The following SREBF2 variants were observed in gnomAD, a reference collection of about 807,000 sequenced individuals.
SREBF2 encodes sterol regulatory element-binding protein 2.
SREBF2 carries 55 observed loss-of-function variants against 113.1 expected under a neutral mutation model. The ratio of observed to expected loss-of-function variants is 0.49; its 90% CI spans 0.39 to 0.61. The LOEUF (loss-of-function observed/expected upper bound fraction) is 0.61. SREBF2 is among the 20% of genes least tolerant of loss of function. SREBF2 has a pLI of 0.00. For missense variants in SREBF2, 1,349 were observed against 1,487.4 expected (o/e 0.91, Z 1.53); for synonymous variants, 593 against 605.7 (o/e 0.98, Z 0.31).
At chr22:41,898,163 T>G (rs2077432270) in intron 14 of SREBF2, among the ~76,000 whole-genome samples, 1 of 152,112 alleles carries the variant, frequency 6.6e-6, no homozygotes, top group African/African-American at 2.4e-5. Context: ...CAGGCTGGAG[T>G]GCAATGGCAC....
intron 4 of SREBF2, among the ~76,000 whole-genome samples, chr22:41,871,288 T>C (rs1029712339): frequency 1.3e-5 from 2 of 152,192 alleles, no homozygotes; most frequent in Non-Finnish European, 2.9e-5. Context: ...TATTCTTGGC[T>C]AATAGCTCCA....
intron 1 of SREBF2, among the ~76,000 whole-genome samples, chr22:41,866,270 G>C (rs1213149652): frequency 6.6e-6 from 1 of 152,136 alleles, no homozygotes; most frequent in Non-Finnish European, 1.5e-5. Context: ...AAAGAGAGAG[G>C]CTGGGTGCGG....
At chr22:41,842,867 G>A (rs892262003) in intron 1 of SREBF2, among the ~76,000 whole-genome samples, 6 of 152,144 alleles carry the variant, frequency 3.9e-5, no homozygotes, top group African/African-American at 1.4e-4. Context: ...GCATGAGCCT[G>A]TAATCCCAGC....
intron 1 of SREBF2, among the ~76,000 whole-genome samples, 155 bp from the exon 2 acceptor site, chr22:41,866,676 A>G (rs1270441412): frequency 6.6e-6 from 1 of 152,242 alleles, no homozygotes; most frequent in Non-Finnish European, 1.5e-5. Flanking sequence ...ATCTTGGCCC[A>G]GATGATCCCC....
rs114541923 is a variant in SREBF2 at position 41,899,365 on chromosome 22, C to T, written c.2738+584C>T. ...TTCATGTCTGCGTCTTGGGGGCATT[C>T]GGCACTAGTGATGGGCAGCCCTGCC... On this transcript the variant is annotated intron_variant, in intron 15 of 18. Transcript: ENST00000361204. 3.0e-4 allele frequency: 308 copies of T among 1,010,382 alleles called. No homozygotes were observed. The African/African-American group carries it at 4.7e-3, about 16-fold the overall frequency. 62.6% of individuals were successfully genotyped at this position (1,010,382 alleles called of 1,614,324 possible).
intron 1 of SREBF2, among the ~76,000 whole-genome samples, chr22:41,853,376 C>T (rs1232987753): frequency 6.6e-6 from 1 of 152,198 alleles, no homozygotes; most frequent in Non-Finnish European, 1.5e-5. Flanking sequence ...TACTTTGCAT[C>T]CTGATCAGCC....
chr22:41,843,564 T>C (rs1345286792), intron 1 of SREBF2, among the ~76,000 whole-genome samples: 1 of 152,254 alleles, frequency 6.6e-6, no homozygotes, highest in Non-Finnish European at 1.5e-5. Flanking sequence ...AACAGTGGCC[T>C]AAATCCAACA....
intron 1 of SREBF2, among the ~76,000 whole-genome samples, chr22:41,864,284 AAAATAT>A (rs2077053881): frequency 1.6e-5 from 2 of 123,366 alleles, no homozygotes; most frequent in African/African-American, 3.2e-5. Flanking sequence ...ACACACACAC[AAAATAT>A]CAAAATATAT....
intron 17 of SREBF2, 53 bp from the exon 18 acceptor site, chr22:41,904,810 A>G: frequency 7.1e-7 from 1 of 1,410,368 alleles, no homozygotes; most frequent in African/African-American, 1.4e-5. Context: ...TACCCTGGGC[A>G]TAGATGGGTG....
At chr22:41,843,344 G>C (rs1009544) in intron 1 of SREBF2, among the ~76,000 whole-genome samples, 18,993 of 152,286 alleles carry the variant, frequency 0.12, 1,269 homozygotes, top group East Asian at 0.18. Context: ...ATGTAGGCCT[G>C]TTTTGTACTG....
At position 41,877,086 on chromosome 22, in the gene SREBF2, T is replaced by G. The variant is rs1358008643; in HGVS notation, c.1387-143T>G. The G allele has an allele frequency of 5.0e-6, 4 of 799,114 alleles. No individual in the cohort carries two copies. In the Admixed American group the frequency reaches 8.5e-5, roughly 17 times the overall value. 49.5% of individuals were successfully genotyped at this position (799,114 alleles called of 1,614,324 possible). ...CAGCAGTTAGTGAATTATAGGCTTCTCAGTTCCCATCTGGCCTTAGTCCTG... is the reference window on the plus strand; with the variant it reads ...CAGCAGTTAGTGAATTATAGGCTTCGCAGTTCCCATCTGGCCTTAGTCCTG... On this transcript the variant is annotated intron_variant, in intron 7 of 18. Transcript: ENST00000361204.
intron 18 of SREBF2, among the ~76,000 whole-genome samples, chr22:41,905,202 C>T (rs1364767667): frequency 6.6e-6 from 1 of 152,214 alleles, no homozygotes; most frequent in Non-Finnish European, 1.5e-5. Context: ...CGTCCCAGCA[C>T]AGGTGCAGGC....
rs193233908 is a variant in SREBF2 at position 41,869,529 on chromosome 22, G to C, written c.720+737G>C. Among the ~76,000 whole-genome samples the C allele has an allele frequency of 4.7e-3, 708 of 150,862 alleles. 7 individuals are homozygous for C. Among genetic ancestry groups the C allele is most frequent in the African/African-American group, 0.015 (621 of 40,834 alleles). On this transcript the variant is annotated intron_variant, in intron 3 of 18. Transcript: ENST00000361204. The stretch of plus-strand genomic sequence containing the variant: ...AGACAGTTTTGCTCTTGTTGCCCAG[G>C]TTGGAGTGCAGTGGCGTGATCTTGG...
intron 1 of SREBF2, among the ~76,000 whole-genome samples, chr22:41,866,464 C>T (rs1371210439): frequency 6.6e-6 from 1 of 152,166 alleles, no homozygotes; most frequent in Non-Finnish European, 1.5e-5. Context: ...GCGGGAGAAT[C>T]GCTTGAACCC....
intron 1 of SREBF2, among the ~76,000 whole-genome samples, chr22:41,855,631 C>T (rs987119476): frequency 2.6e-5 from 4 of 152,290 alleles, no homozygotes; most frequent in African/African-American, 9.6e-5. Context: ...TTTCTGCAGG[C>T]TAACATCTAA....
At chr22:41,889,317 G>C (rs2077332880) in intron 11 of SREBF2, among the ~76,000 whole-genome samples, 1 of 151,998 alleles carries the variant, frequency 6.6e-6, no homozygotes, top group Admixed American at 6.6e-5. Flanking sequence ...TGTAAAGTCA[G>C]GGTTTTGCTA....
rs757592583 is a variant in SREBF2 at position 41,868,729 on chromosome 22, G to C, written c.657G>C (p.Thr219=). The C allele has an allele frequency of 3.1e-6, 5 of 1,614,080 alleles. No homozygotes were observed. Among genetic ancestry groups the C allele is most frequent in the Non-Finnish European group, 4.2e-6 (5 of 1,180,040 alleles). ...QRVLTQTANG[T]LQTLAPATVQ... The stretch of plus-strand genomic sequence containing the variant: ...TGCTGACACAAACGGCCAATGGCAC[G>C]CTGCAGACCCTTGCCCCGGCTACGG... Residue 219 remains threonine (T), a synonymous_variant, in exon 3 of 19, where the codon ACG becomes ACC. Transcript: ENST00000361204.
At position 41,905,781 on chromosome 22, in the gene SREBF2, C is replaced by T. The variant is rs1319346365; in HGVS notation, c.*121C>T. 5.2e-6 allele frequency: 6 copies of T among 1,162,766 alleles called. No individual in the cohort carries two copies. The highest frequency in any genetic ancestry group is 5.0e-6 in the Non-Finnish European group (4 of 794,938). 72.0% of individuals were successfully genotyped at this position (1,162,766 alleles called of 1,614,324 possible). On this transcript the variant is annotated 3_prime_UTR_variant, in exon 19 of 19. Transcript: ENST00000361204. Reference sequence around the variant, plus strand: ...TCTTAGCTGTCACCTGCCGAGGCTTCTGGGCCACTCAGGCCAGTGCACCCC... The same window carrying T: ...TCTTAGCTGTCACCTGCCGAGGCTTTTGGGCCACTCAGGCCAGTGCACCCC...
intron 1 of SREBF2, among the ~76,000 whole-genome samples, chr22:41,858,762 G>A (rs1352874590): frequency 6.6e-6 from 1 of 150,976 alleles, no homozygotes; most frequent in Non-Finnish European, 1.5e-5. Flanking sequence ...CAGAAACCCA[G>A]AACTTACTGT....
Sources: allele counts gnomAD v4.1 joint callset (sites outside exome capture counted in the v4.1 genomes callset), GRCh38; gene constraint gnomAD v4.1.1; transcripts MANE v1.5; gene names NCBI Gene and HGNC (gene_info 2026-07-23, HGNC 2026-07-21).